Variants in NEU3 observed in about 807,000 individuals in gnomAD.
The protein encoded by NEU3 is sialidase-3.
Under a neutral mutation model 11.4 loss-of-function variants are expected in NEU3, and 10 were observed. The observed-to-expected ratio is 0.88, with a 90% CI of 0.54 to 1.49. NEU3 has a LOEUF of 1.49. NEU3 is among the 40% of genes most tolerant of loss of function. NEU3 has a pLI of 0.00. For missense variants in NEU3, 529 were observed against 581.8 expected, an observed-to-expected ratio of 0.91 and a Z score of 0.93; for synonymous variants, 212 against 228.2, an observed-to-expected ratio of 0.93 and a Z score of 0.64.
chr11:75,005,694 A>G lies in NEU3; in HGVS notation c.588A>G (p.Pro196=), dbSNP rs372007557. 34 of 1,613,844 alleles carry G rather than the reference A, an allele frequency of 2.1e-5. No homozygotes were observed. Among genetic ancestry groups the G allele is most frequent in the Non-Finnish European group, 2.9e-5 (34 of 1,179,884 alleles). The change falls in exon 3 of 3, where the codon CCA becomes CCG. Residue 196 remains proline, a synonymous_variant. Coordinates refer to ENST00000294064, the MANE Select transcript of NEU3 (RefSeq NM_006656.6). ...LKHWATFAVG[P]GHGIQLQSGR... is the part of the protein sequence containing the mutation. ...ACTGGGCCACATTTGCTGTGGGCCC[A>G]GGTCATGGCATCCAGCTGCAGTCAG... is the stretch of plus-strand genomic sequence containing the variant.
chr11:75,002,569 G>A (rs1003777812), intron 2 of NEU3, among the ~76,000 whole-genome samples: 1 of 152,198 alleles, frequency 6.6e-6, no homozygotes, highest in African/African-American at 2.4e-5. Context: ...TTTTAAAAAT[G>A]TGAAGTGATA....
chr11:75,003,442 A>G (rs771319039), intron 2 of NEU3, among the ~76,000 whole-genome samples: 1 of 152,146 alleles, frequency 6.6e-6, no homozygotes, highest in Non-Finnish European at 1.5e-5. Context: ...TTTTGTTTAA[A>G]TATTTTATCT....
At chr11:75,019,430 T>A (rs1263740494), downstream of NEU3, among the ~76,000 whole-genome samples, 1 of 152,212 alleles carries the variant, frequency 6.6e-6, no homozygotes, top group East Asian at 1.9e-4. Flanking sequence ...GTGTCTTGCG[T>A]CCCAGCTGCT....
intron 2 of NEU3, among the ~76,000 whole-genome samples, chr11:75,003,978 T>C (rs867258237): frequency 2.6e-5 from 4 of 152,244 alleles, no homozygotes; most frequent in African/African-American, 7.2e-5. Flanking sequence ...TCACCCATTC[T>C]GTATTGACGA....
rs368435848 is a variant in NEU3, at chr11:74,994,685, C to T, written c.271C>T (p.Leu91=). The change falls in exon 2 of 3, where the codon CTG becomes TTG. Residue 91 remains leucine, a synonymous_variant. Coordinates refer to ENST00000294064, the MANE Select transcript of NEU3 (RefSeq NM_006656.6). ...AGATGAGGATGCTCTCCACCTGGTG[C>T]TGAGGCGAGGGTTGAGGATTGGGCA... ...RRDEDALHLV[L]RRGLRIGQLV... is the part of the protein sequence containing the mutation. 2.2e-5 allele frequency: 36 copies of T among 1,613,920 alleles called. No individual in the cohort carries two copies. In the African/African-American group the frequency reaches 4.4e-4, roughly 20 times the overall value.
intron 1 of NEU3, among the ~76,000 whole-genome samples, chr11:74,990,609 C>T (rs1410860693): frequency 2.6e-5 from 4 of 152,160 alleles, no homozygotes; most frequent in African/African-American, 9.7e-5. Context: ...ATCTGCCCAC[C>T]TCAGCCTCCC....
upstream of NEU3, among the ~76,000 whole-genome samples, chr11:74,984,452 A>G (rs1023404278): frequency 1.3e-5 from 2 of 152,186 alleles, no homozygotes; most frequent in African/African-American, 4.8e-5. Context: ...TACTCTGGCT[A>G]CTGCTATTGC....
Position 75,005,819 on chromosome 11 carries a change from G to T in NEU3, c.713G>T (p.Ser238Ile), listed in dbSNP as rs760544688. 5 of 1,613,990 alleles carry T rather than the reference G, an allele frequency of 3.1e-6. No homozygotes were observed. Among genetic ancestry groups the T allele is most frequent in the Non-Finnish European group, 8.5e-7 (1 of 1,179,888 alleles). ...KTRPHSLMIYSDDLGVTWHHG... is the reference protein window; with the variant it reads ...KTRPHSLMIYIDDLGVTWHHG... ...AGGCCTCATTCTCTGATGATCTACA[G>T]TGATGACCTAGGGGTCACATGGCAC... The change falls in exon 3 of 3, where the codon AGT (serine) becomes ATT (isoleucine). Residue 238 changes from serine to isoleucine, a missense_variant. Ser to Ile is a moderately radical substitution (Grantham distance 142). Coordinates refer to ENST00000294064, the MANE Select transcript of NEU3 (RefSeq NM_006656.6).
Position 75,008,064 on chromosome 11 carries a change from C to T in NEU3, c.*1572C>T, listed in dbSNP as rs1180146228. 1.3e-5 allele frequency: 2 copies of T among 152,136 alleles called. No homozygotes were observed. Among genetic ancestry groups the T allele is most frequent in the African/African-American group, 2.4e-5 (1 of 41,408 alleles). 9.4% of individuals were successfully genotyped at this position (152,136 alleles called of 1,614,324 possible). On this transcript the variant is annotated 3_prime_UTR_variant, in exon 3 of 3. Transcript: ENST00000294064. ...AGTGGCTTTTAAAAATCCCCTTAGCCTCTCCTACATTTGCCAAGGTAATCT... is the reference window on the plus strand; with the variant it reads ...AGTGGCTTTTAAAAATCCCCTTAGCTTCTCCTACATTTGCCAAGGTAATCT...
At chr11:74,987,883 G>A (rs7396866), upstream of NEU3, among the ~76,000 whole-genome samples, 34,508 of 122,628 alleles carry the variant, frequency 0.28, 5,197 homozygotes, top group East Asian at 0.52. Context: ...TCTGGTTCTA[G>A]GCCTTTTTTT....
intron 2 of NEU3, among the ~76,000 whole-genome samples, chr11:74,999,011 T>C (rs1187876699): frequency 6.6e-6 from 1 of 152,184 alleles, no homozygotes; most frequent in Non-Finnish European, 1.5e-5. Context: ...TAGAGACAAC[T>C]TCTATGTTGC....
intron 2 of NEU3, among the ~76,000 whole-genome samples, chr11:75,000,890 C>T (rs1318401435): frequency 2.0e-5 from 3 of 151,614 alleles, no homozygotes; most frequent in Non-Finnish European, 4.4e-5. Context: ...TTGCTTTTGC[C>T]TGTTGGGTAT....
chr11:75,015,850 A>G (rs1948978767), downstream of NEU3, among the ~76,000 whole-genome samples: 1 of 152,216 alleles, frequency 6.6e-6, no homozygotes, highest in African/African-American at 2.4e-5. Context: ...CTCATGACAT[A>G]ATAATTACCT....
chr11:74,999,182 C>T (rs1210740480), intron 2 of NEU3, among the ~76,000 whole-genome samples: 3 of 152,102 alleles, frequency 2.0e-5, no homozygotes, highest in Non-Finnish European at 4.4e-5. Context: ...ATTGCCCAGG[C>T]GGGAGTGCAG....
the NEU3 span, among the ~76,000 whole-genome samples, chr11:74,983,023 T>C: frequency 1.3e-5 from 2 of 152,196 alleles, no homozygotes; most frequent in Non-Finnish European, 2.9e-5. Context: ...TGAATTCAAC[T>C]GGTAGGGTCT....
At chr11:75,018,078 C>T (rs894687919) in intron 3 of NEU3, among the ~76,000 whole-genome samples, 1 of 152,004 alleles carries the variant, frequency 6.6e-6, no homozygotes, top group African/African-American at 2.4e-5. Context: ...CCCACCCACC[C>T]ACTGCCTTTT....
rs61008511 is a variant in NEU3, at chr11:75,000,776, AATTT to A, written c.307-4597_307-4594del. Among the ~76,000 whole-genome samples, 1,250 of 134,520 alleles carry A rather than the reference AATTT, an allele frequency of 9.3e-3. 18 individuals carry two copies. The highest frequency in any genetic ancestry group is 0.027 in the African/African-American group (978 of 35,860). The allele number at this position is 134,520 out of a possible 152,430, so 88.3% of individuals were successfully genotyped here. On this transcript the variant is annotated intron_variant, in intron 2 of 2. Coordinates refer to ENST00000294064, the MANE Select transcript of NEU3 (RefSeq NM_006656.6). ...CAAGTGTGTGCCACCATACCCAGCT[AATTT>A]ATTTATTTATTTATTTATTTATTTA... is the stretch of plus-strand genomic sequence containing the variant.
In NEU3 at chr11:75,006,242, A is replaced by G. The variant is rs769105197; in HGVS notation, c.1136A>G (p.Tyr379Cys). 4.3e-6 allele frequency: 7 copies of G among 1,613,872 alleles called. No individual in the cohort carries two copies. The highest frequency in any genetic ancestry group is 3.3e-5 in the South Asian group (3 of 91,090). The change falls in exon 3 of 3, where the codon TAT becomes TGT. Residue 379 changes from tyrosine (Y) to cysteine (C), a missense_variant. Coordinates refer to ENST00000294064, the MANE Select transcript of NEU3 (RefSeq NM_006656.6). ...SRKQRVDLGIYLNQTPLEAAC... is the reference protein window; with the variant it reads ...SRKQRVDLGICLNQTPLEAAC... ...AAACAGAGGGTTGACCTAGGTATCTATCTCAACCAGACCCCCTTGGAGGCT... is the reference window on the plus strand; with the variant it reads ...AAACAGAGGGTTGACCTAGGTATCTGTCTCAACCAGACCCCCTTGGAGGCT...
At chr11:74,999,799 G>T (rs578090) in intron 2 of NEU3, among the ~76,000 whole-genome samples, 2 of 152,210 alleles carry the variant, frequency 1.3e-5, no homozygotes, top group South Asian at 4.1e-4. Flanking sequence ...GGGGCAGTCA[G>T]TCTATACAAA....
Sources: allele counts gnomAD v4.1 joint callset (sites outside exome capture counted in the v4.1 genomes callset), GRCh38; gene constraint gnomAD v4.1.1; transcripts MANE v1.5; gene names NCBI Gene and HGNC (gene_info 2026-07-23, HGNC 2026-07-21).